Variants in RTN3 observed in about 807,000 individuals in gnomAD.
The protein encoded by RTN3 is reticulon 3.
A neutral mutation model predicts 77.8 loss-of-function variants in RTN3; 49 were observed. The ratio of observed to expected loss-of-function variants is 0.63; its 90% confidence interval spans 0.50 to 0.80. The LOEUF is 0.80. Among genes scored for constraint, RTN3 ranks in the 30% least tolerant of loss-of-function variants. The pLI is 0.00. For missense variants in RTN3, 1,236 were observed against 1,211.9 expected (o/e 1.02, Z -0.29); for synonymous variants, 464 against 446.9 (o/e 1.04, Z -0.48).
At chr11:63,688,223 C>CT (rs34253380) in intron 1 of RTN3, among the ~76,000 whole-genome samples, 36,006 of 130,234 alleles carry the variant, frequency 0.28, 6,187 homozygotes, top group South Asian at 0.54. Context: ...GTGTGTTTTG[C>CT]TTTTTTTTTT....
At chr11:63,686,771 C>G (rs551658049) in intron 1 of RTN3, among the ~76,000 whole-genome samples, 9 of 152,070 alleles carry the variant, frequency 5.9e-5, no homozygotes, top group African/African-American at 2.2e-4. Context: ...GCAGAGGTTG[C>G]AGTGAGCTGA....
chr11:63,704,594 T>G (rs1421656887), intron 1 of RTN3, among the ~76,000 whole-genome samples: 3 of 151,942 alleles, frequency 2.0e-5, no homozygotes, highest in Non-Finnish European at 4.4e-5. Context: ...TCCTCTTTTC[T>G]TTTTTTGAAG....
chr11:63,747,396 A>G (rs1182144381), intron 3 of RTN3, among the ~76,000 whole-genome samples: 2 of 152,228 alleles, frequency 1.3e-5, no homozygotes, highest in South Asian at 2.1e-4. Context: ...CTTCTGTTCA[A>G]TCTCTTAGTT....
intron 1 of RTN3, among the ~76,000 whole-genome samples, chr11:63,687,867 C>T (rs1355139715): frequency 6.6e-6 from 1 of 152,160 alleles, no homozygotes; most frequent in African/African-American, 2.4e-5. Context: ...ATCTGTCTTC[C>T]TCACAATCAA....
At chr11:63,685,950 A>G (rs1941346437) in intron 1 of RTN3, among the ~76,000 whole-genome samples, 1 of 152,164 alleles carries the variant, frequency 6.6e-6, no homozygotes, top group South Asian at 2.1e-4. Context: ...GCAATGTAGT[A>G]TGCTTAGAGA....
intron 2 of RTN3, among the ~76,000 whole-genome samples, chr11:63,710,178 A>T (rs931161663): frequency 1.3e-5 from 2 of 152,118 alleles, no homozygotes; most frequent in Non-Finnish European, 1.5e-5. Context: ...GTATTTACTC[A>T]TAAGTATTTT....
At position 63,758,136 on chromosome 11, in the gene RTN3, TC is replaced by T; in HGVS notation, c.3054-16del. 6.6e-7 allele frequency: 1 copy of T among 1,509,194 alleles called. No homozygotes were observed. The allele number at this position is 1,509,194 out of a possible 1,614,324, so 93.5% of individuals were successfully genotyped here. A position where few individuals can be genotyped will look rare whatever the true frequency, so the allele number is the denominator to read the frequency against. ...CTAATGTTTTCACTTTCTTTCTTTT[TC>T]CCCTCCTTTTCTCAATAGGATCCAA... On this transcript the variant is annotated intron_variant, in intron 8 of 8. Transcript: ENST00000377819.
At chr11:63,717,553 A>G (rs1014410256) in intron 2 of RTN3, among the ~76,000 whole-genome samples, 6 of 151,440 alleles carry the variant, frequency 4.0e-5, no homozygotes, top group African/African-American at 9.7e-5. Flanking sequence ...ACGCCCGGCT[A>G]ATTTTTTTGT....
intron 2 of RTN3, among the ~76,000 whole-genome samples, chr11:63,716,076 A>G (rs908755081): frequency 2.6e-5 from 4 of 152,210 alleles, no homozygotes; most frequent in South Asian, 2.1e-4. Context: ...TTTGCCACCA[A>G]GCTTTTACAG....
rs867007960 is a variant in RTN3, at chr11:63,724,964, G to T, written c.2530+3932G>T. 8.8e-3 allele frequency among the ~76,000 whole-genome samples: 1,108 copies of T among 126,000 alleles called. 2 individuals are homozygous for T. The highest frequency in any genetic ancestry group is 0.012 in the Non-Finnish European group (709 of 57,538). The allele number at this position is 126,000 out of a possible 152,430, so 82.7% of individuals were successfully genotyped here. A position where few individuals can be genotyped will look rare whatever the true frequency, so the allele number is the denominator to read the frequency against. On this transcript the variant is annotated intron_variant, in intron 3 of 8. Coordinates refer to ENST00000377819, the MANE Select transcript of RTN3 (RefSeq NM_001265589.2). ...CAGTCATTGAAGTTGTTAAAGTTTT[G>T]TTTTTTTTTTTTTTAAGAAATGGAA...
At chr11:63,743,199 C>A (rs1453896329) in intron 3 of RTN3, among the ~76,000 whole-genome samples, 1 of 152,194 alleles carries the variant, frequency 6.6e-6, no homozygotes, top group Non-Finnish European at 1.5e-5. Context: ...CCGCGCCCAG[C>A]CTGTTTTTCT....
chr11:63,747,819 A>T (rs1223364760), intron 3 of RTN3, among the ~76,000 whole-genome samples: 2 of 152,202 alleles, frequency 1.3e-5, no homozygotes, highest in Non-Finnish European at 2.9e-5. Context: ...TCTAGGAGGT[A>T]GATTTCATTT....
chr11:63,750,300 G>A lies in RTN3; in HGVS notation c.2738+102G>A, dbSNP rs2014033011. On this transcript the variant is annotated intron_variant, in intron 4 of 8. Transcript: ENST00000377819. The stretch of plus-strand genomic sequence containing the variant: ...ACCTGACTAAAAATCAAGAATTATG[G>A]GGCCTAATGCAGCTGATTGGTGGCA... The A allele has an allele frequency of 7.3e-6, 7 of 958,438 alleles. No homozygotes were observed. The Admixed American group carries it at 8.9e-5, about 12-fold the overall frequency. The allele number at this position is 958,438 out of a possible 1,614,324, so 59.4% of individuals were successfully genotyped here.
At chr11:63,715,534 T>C (rs761277537) in intron 2 of RTN3, among the ~76,000 whole-genome samples, 14 of 152,098 alleles carry the variant, frequency 9.2e-5, no homozygotes, top group Non-Finnish European at 1.8e-4. Context: ...GGTGCACGCC[T>C]GTAATCCCAG....
chr11:63,682,320 C>G (rs1445178708), intron 1 of RTN3, among the ~76,000 whole-genome samples: 3 of 151,880 alleles, frequency 2.0e-5, no homozygotes, highest in Non-Finnish European at 4.4e-5. Context: ...GCATTGTAGC[C>G]TGTTTTTTTT....
At chr11:63,704,225 A>C (rs1054210888) in intron 1 of RTN3, among the ~76,000 whole-genome samples, 1 of 150,204 alleles carries the variant, frequency 6.7e-6, no homozygotes, top group Non-Finnish European at 1.5e-5. Flanking sequence ...CTGGTTTCGA[A>C]CTCCTGACCT....
intron 3 of RTN3, among the ~76,000 whole-genome samples, chr11:63,733,711 A>C (rs497298): frequency 6.9e-6 from 1 of 144,808 alleles, no homozygotes; most frequent in African/African-American, 2.5e-5. Context: ...CTCTACCAAC[A>C]AAAAAAAAAG....
chr11:63,686,361 C>G (rs189641143), intron 1 of RTN3, among the ~76,000 whole-genome samples: 22 of 151,498 alleles, frequency 1.5e-4, no homozygotes, highest in African/African-American at 5.1e-4. Flanking sequence ...GTCCCAGCTA[C>G]TCGGGAGGCT....
chr11:63,738,628 T>C lies in RTN3; in HGVS notation c.2531-11363T>C, dbSNP rs1210804127. ...GCCTGGGTGACAGAGTGAGACCCTG[T>C]CTTTAAAAAAAAAAAAAAAAAGAAG... On this transcript the variant is annotated intron_variant, in intron 3 of 8. Coordinates refer to ENST00000377819, the MANE Select transcript of RTN3 (RefSeq NM_001265589.2). Among the ~76,000 whole-genome samples the C allele has an allele frequency of 1.6e-4, 14 of 86,764 alleles. No individual in the cohort carries two copies. The South Asian group carries it at 5.5e-3, about 34-fold the overall frequency. 56.9% of individuals were successfully genotyped at this position (86,764 alleles called of 152,430 possible).
Sources: allele counts gnomAD v4.1 joint callset (sites outside exome capture counted in the v4.1 genomes callset), GRCh38; gene constraint gnomAD v4.1.1; transcripts MANE v1.5; gene names NCBI Gene and HGNC (gene_info 2026-07-23, HGNC 2026-07-21).